EPS8L2: variants seen among roughly 807,000 people sequenced by gnomAD.
EPS8L2 encodes epidermal growth factor receptor kinase substrate 8-like protein 2.
A neutral mutation model predicts 99.4 loss-of-function variants in EPS8L2; 81 were observed. The observed-to-expected ratio is 0.82, with a 90% confidence interval of 0.68 to 0.98. EPS8L2 has a LOEUF of 0.98. Among genes scored for constraint, EPS8L2 ranks in the 50% least tolerant of loss-of-function variants. The pLI is 0.00. For synonymous variants in EPS8L2, 509 were observed against 407.3 expected (o/e 1.25, Z -3.01); for missense variants, 1,155 against 968.8 (o/e 1.19, Z -2.55).
rs751399249 is a variant in EPS8L2 at position 721,926 on chromosome 11, C to A, written c.919C>A (p.Arg307=). 6.3e-7 allele frequency: 1 copy of A among 1,595,324 alleles called. No individual in the cohort carries two copies. The highest frequency in any genetic ancestry group is 8.5e-7 in the Non-Finnish European group (1 of 1,171,498). The change falls in exon 11 of 21, where the codon CGG becomes AGG. Residue 307 remains arginine (R), a synonymous_variant. Transcript: ENST00000318562. ...PAEGVLTLRA[R]PPSEGEFIDC... is the part of the protein sequence containing the mutation. ...AGAGGGCGTCCTCACACTGCGGGCA[C>A]GGCCCCCCTCTGAGGGCGAGTTCAT...
intron 1 of EPS8L2, 85 bp from the exon 2 acceptor site, chr11:709,245 G>A (rs968492989): frequency 1.2e-6 from 1 of 855,574 alleles, no homozygotes; most frequent in African/African-American, 1.7e-5. Flanking sequence ...CCCAGGCCAG[G>A]CCAGTCAGGG....
In EPS8L2 at chr11:720,029, T is replaced by A. The variant is rs368272163; in HGVS notation, c.166-33T>A. The A allele has an allele frequency of 3.6e-4, 570 of 1,587,640 alleles. 1 individual carries two copies. Among genetic ancestry groups the A allele is most frequent in the Admixed American group, 6.5e-4 (37 of 56,498 alleles). ...GCTGGGCTTTCGACACAAGGAGGGC[T>A]CTGCCCAGCAGTGACCACCTGCCCA... On this transcript the variant is annotated intron_variant, in intron 4 of 20. Transcript: ENST00000318562.
At position 726,389 on chromosome 11, in the gene EPS8L2, C is replaced by T. The variant is rs749972188; in HGVS notation, c.1839C>T (p.Arg613=). 104 of 1,609,498 alleles carry T rather than the reference C, an allele frequency of 6.5e-5. No individual in the cohort carries two copies. In the Middle Eastern group the frequency reaches 9.9e-4, roughly 15 times the overall value. Residue 613 remains arginine, a synonymous_variant, in exon 19 of 21, where the codon CGC becomes CGT. Coordinates refer to ENST00000318562, the MANE Select transcript of EPS8L2 (RefSeq NM_022772.4). ...NIRAQPQRHF[R]VERSQPVSQP... Reference sequence around the variant, plus strand: ...GGGCGCAGCCACAGAGGCACTTCCGCGTGGAGCGCAGCCAGCCCGTGAGCC... The same window carrying T: ...GGGCGCAGCCACAGAGGCACTTCCGTGTGGAGCGCAGCCAGCCCGTGAGCC...
chr11:711,179 G>A (rs1861878122), intron 4 of EPS8L2, among the ~76,000 whole-genome samples: 1 of 152,132 alleles, frequency 6.6e-6, no homozygotes, highest in Non-Finnish European at 1.5e-5. Flanking sequence ...GGGCTTTTCT[G>A]TTCTCCTAGG....
At chr11:715,760 A>G (rs1862008137) in intron 4 of EPS8L2, among the ~76,000 whole-genome samples, 1 of 149,858 alleles carries the variant, frequency 6.7e-6, no homozygotes, top group East Asian at 2.0e-4. Context: ...AGCTGGGACT[A>G]CAGGTGCCCA....
In EPS8L2 at chr11:720,901, G is replaced by C; in HGVS notation, c.549G>C (p.Gln183His). The part of the protein sequence containing the change: ...DCRLGKKMRP[Q>H]TLKGHQEKIR... ...GGCTGGGCAAGAAGATGCGGCCGCA[G>C]ACCCTGAAGTAGGGCAGCGGGCGGA... Residue 183 changes from glutamine to histidine, a missense_variant, in exon 7 of 21, where the codon CAG becomes CAC. Gln to His is a conservative substitution (Grantham distance 24). Transcript: ENST00000318562. 1.4e-6 allele frequency: 2 copies of C among 1,459,628 alleles called. No individual in the cohort carries two copies. Among genetic ancestry groups the C allele is most frequent in the Non-Finnish European group, 1.8e-6 (2 of 1,095,042 alleles). The allele number at this position is 1,459,628 out of a possible 1,614,324, so 90.4% of individuals were successfully genotyped here.
In EPS8L2 at chr11:710,479, A is replaced by T. The variant is rs922891230; in HGVS notation, c.158A>T (p.His53Leu). Reference protein sequence around the residue: ...NVIMHETSQYHVQHLATFIMD... With the variant: ...NVIMHETSQYLVQHLATFIMD... Reference sequence around the variant, plus strand: ...ATCATGCACGAGACCTCGCAGTACCACGTCCAGGTAAGGCCCCGCCCCCAG... The same window carrying T: ...ATCATGCACGAGACCTCGCAGTACCTCGTCCAGGTAAGGCCCCGCCCCCAG... Residue 53 changes from histidine to leucine, a missense_variant, in exon 4 of 21, where the codon CAC becomes CTC. Transcript: ENST00000318562. The T allele has an allele frequency of 6.2e-7, 1 of 1,613,706 alleles. No individual in the cohort carries two copies. The highest frequency in any genetic ancestry group is 1.7e-5 in the Admixed American group (1 of 60,022).
In EPS8L2 at chr11:710,134, C is replaced by T. The variant is rs1861845829; in HGVS notation, c.101-288C>T. 3 of 440,454 alleles carry T rather than the reference C, an allele frequency of 6.8e-6. No individual in the cohort carries two copies. The Admixed American group carries it at 1.1e-4, about 17-fold the overall frequency. 27.3% of individuals were successfully genotyped at this position (440,454 alleles called of 1,614,324 possible). On this transcript the variant is annotated intron_variant, in intron 3 of 20. Transcript: ENST00000318562. ...TGGGACCCCCTTCCTGTCCCCTCACCCTCCGGGACAGAAACCCCCCGGGCA... is the reference window on the plus strand; with the variant it reads ...TGGGACCCCCTTCCTGTCCCCTCACTCTCCGGGACAGAAACCCCCCGGGCA...
chr11:718,707 C>T (rs1435962351), intron 4 of EPS8L2, among the ~76,000 whole-genome samples: 3 of 145,292 alleles, frequency 2.1e-5, no homozygotes, highest in African/African-American at 5.2e-5. Context: ...CTCACTCTGT[C>T]GCCCAGGCTG....
At chr11:710,744 A>G (rs1042005707) in intron 4 of EPS8L2, among the ~76,000 whole-genome samples, 9 of 111,526 alleles carry the variant, frequency 8.1e-5, no homozygotes, top group Non-Finnish European at 1.6e-4. Flanking sequence ...CTCAAAACGA[A>G]AGAGAGAAAG....
At chr11:720,985 G>GGGGAGGGGAGGAGCCGGCA (rs1862153297) in intron 7 of EPS8L2, 76 bp downstream of exon 7, 66 of 1,372,606 alleles carry the variant, frequency 4.8e-5, no homozygotes, top group Non-Finnish European at 4.9e-5. Context: ...GGAGCCGGCA[G>GGGGAGGGGAGGAGCCGGCA]GGGAGGGGAG....
rs549875343 is a variant in EPS8L2, at chr11:715,221, G to A, written c.165+4735G>A. On this transcript the variant is annotated intron_variant, in intron 4 of 20. Coordinates refer to ENST00000318562, the MANE Select transcript of EPS8L2 (RefSeq NM_022772.4). ...TGCGCCACTGCACTCCAGCCTGGGA[G>A]ACAGAGTGAGACTCTGTCTCAAAAA... 4.9e-3 allele frequency among the ~76,000 whole-genome samples: 733 copies of A among 150,716 alleles called. 4 individuals are homozygous for A. Among genetic ancestry groups the A allele is most frequent in the African/African-American group, 0.017 (702 of 40,582 alleles).
In EPS8L2 at chr11:724,962, T is replaced by C; in HGVS notation, c.1560+133T>C. Reference sequence around the variant, plus strand: ...AGGACGGGGCACAGCTGCTGGCCCCTTTCTCCAGGGTCCCCGCCCTTGGAC... The same window carrying C: ...AGGACGGGGCACAGCTGCTGGCCCCCTTCTCCAGGGTCCCCGCCCTTGGAC... On this transcript the variant is annotated intron_variant, in intron 16 of 20. Transcript: ENST00000318562. The surrounding 1 kb of genome is among the most constrained non-coding windows in gnomAD (Gnocchi z 5.5). 1.5e-6 allele frequency: 1 copy of C among 684,260 alleles called. No homozygotes were observed. The highest frequency in any genetic ancestry group is 2.2e-5 in the Admixed American group (1 of 44,810). 42.4% of individuals were successfully genotyped at this position (684,260 alleles called of 1,614,324 possible).
chr11:706,500 G>A (rs1445604562), intron 1 of EPS8L2: 1 of 152,390 alleles, frequency 6.6e-6, no homozygotes, highest in Non-Finnish European at 1.5e-5. Context: ...GCTGCAGCCC[G>A]GCCTGCCCCC....
rs754246802 is a variant in EPS8L2, at chr11:721,326, C to T, written c.742C>T (p.Leu248=). ...GTCGCAGGAGGAGCCGCGGGCCGTG[C>T]TGGCTCAGAAGATAGAGAAGGAGAC... is the stretch of plus-strand genomic sequence containing the variant. ...RESQEEPRAV[L]AQKIEKETQI... The change falls in exon 9 of 21, where the codon CTG becomes TTG. Residue 248 remains leucine (L), a synonymous_variant. Coordinates refer to ENST00000318562, the MANE Select transcript of EPS8L2 (RefSeq NM_022772.4). 2.6e-6 allele frequency: 4 copies of T among 1,539,878 alleles called. No individual in the cohort carries two copies. The highest frequency in any genetic ancestry group is 2.7e-5 in the African/African-American group (2 of 73,024).
At position 727,396 on chromosome 11, in the gene EPS8L2, A is replaced by G. The variant is rs61876718; in HGVS notation, c.*415A>G. 0.022 allele frequency: 3,602 copies of G among 160,748 alleles called. 56 individuals carry two copies. Among genetic ancestry groups the G allele is most frequent in the Non-Finnish European group, 0.033 (2,389 of 72,916 alleles). 10.0% of individuals were successfully genotyped at this position (160,748 alleles called of 1,614,324 possible). Reference sequence around the variant, plus strand: ...CCAGGCTGGCCAGGCTGAACCTCGCACACACGCAGAGTTCTGCTCCCTGAG... The same window carrying G: ...CCAGGCTGGCCAGGCTGAACCTCGCGCACACGCAGAGTTCTGCTCCCTGAG... On this transcript the variant is annotated 3_prime_UTR_variant, in exon 21 of 21. Coordinates refer to ENST00000318562, the MANE Select transcript of EPS8L2 (RefSeq NM_022772.4).
Position 725,813 on chromosome 11 carries a change from C to T in EPS8L2, c.1646C>T (p.Ala549Val), listed in dbSNP as rs1052534284. The T allele has an allele frequency of 3.6e-6, 5 of 1,387,554 alleles. No individual in the cohort carries two copies. Among genetic ancestry groups the T allele is most frequent in the Non-Finnish European group, 4.6e-6 (5 of 1,075,926 alleles). 86.0% of individuals were successfully genotyped at this position (1,387,554 alleles called of 1,614,324 possible). A position where few individuals can be genotyped will look rare whatever the true frequency, so the allele number is the denominator to read the frequency against. ...GYVPCNILGE[A>V]RPEDAGAPFE... ...GTGCCCTGCAACATCCTAGGCGAGGCGCGACCGGAGGACGCCGGCGCCCCG... is the reference window on the plus strand; with the variant it reads ...GTGCCCTGCAACATCCTAGGCGAGGTGCGACCGGAGGACGCCGGCGCCCCG... Residue 549 changes from alanine (A) to valine (V), a missense_variant, in exon 17 of 21, where the codon GCG becomes GTG. Ala to Val is a moderately conservative substitution (Grantham distance 64, BLOSUM62 0). Transcript: ENST00000318562.
Position 709,456 on chromosome 11 carries a change from G to GGCCA in EPS8L2, c.44+5_44+6insGCCA. Reference sequence around the variant, plus strand: ...CTGCTGCCCGGGTGCCACCAAGTGAGCCCTCCCACCCATCCCGAATACCCC... The same window carrying GGCCA: ...CTGCTGCCCGGGTGCCACCAAGTGAGGCCACCCTCCCACCCATCCCGAATACCCC... On this transcript the variant is annotated splice_donor_region_variant and intron_variant, in intron 2 of 20. Transcript: ENST00000318562. The GGCCA allele has an allele frequency of 6.3e-7, 1 of 1,588,556 alleles. No homozygotes were observed. The highest frequency in any genetic ancestry group is 8.6e-7 in the Non-Finnish European group (1 of 1,164,922).
intron 10 of EPS8L2, 100 bp downstream of exon 10, chr11:721,791 C>A: frequency 6.6e-7 from 1 of 1,516,282 alleles, no homozygotes; most frequent in Non-Finnish European, 9.1e-7. Flanking sequence ...ATGGGGGCTA[C>A]TCATGGAGGT....
Sources: allele counts gnomAD v4.1 joint callset (sites outside exome capture counted in the v4.1 genomes callset), GRCh38; gene constraint gnomAD v4.1.1; non-coding constraint Gnocchi (gnomAD v3.1); transcripts MANE v1.5; gene names NCBI Gene and HGNC (gene_info 2026-07-23, HGNC 2026-07-21).